PLPP1: variants seen among roughly 807,000 people sequenced by gnomAD.
PLPP1 encodes the protein lipid phosphate phosphohydrolase 1a.
PLPP1 carries 24 observed loss-of-function variants against 31.2 expected under a neutral mutation model. The observed-to-expected ratio is 0.77, with a 90% CI of 0.56 to 1.08. The LOEUF (loss-of-function observed/expected upper bound fraction) is 1.08, where lower values mean the gene tolerates loss of function less well. Among genes scored for constraint, PLPP1 ranks in the 50% least tolerant of loss-of-function variants. The pLI is 0.00. For synonymous variants in PLPP1, 146 were observed against 126.3 expected (o/e 1.16, Z -1.05); for missense variants, 319 against 342.7 (o/e 0.93, Z 0.55).
intron 1 of PLPP1, among the ~76,000 whole-genome samples, chr5:55,533,104 C>A (rs1740735847): frequency 6.6e-6 from 1 of 151,964 alleles, no homozygotes; most frequent in African/African-American, 2.4e-5. Flanking sequence ...AGTTTTAGGG[C>A]CCAGCGCTGT....
intron 3 of PLPP1, among the ~76,000 whole-genome samples, chr5:55,460,521 G>A (rs994895469): frequency 6.6e-6 from 1 of 152,128 alleles, no homozygotes; most frequent in African/African-American, 2.4e-5. Context: ...ACAATACAAA[G>A]ATAGTATAAT....
chr5:55,482,271 C>G (rs528988922), intron 1 of PLPP1, among the ~76,000 whole-genome samples: 10 of 151,262 alleles, frequency 6.6e-5, no homozygotes, highest in Non-Finnish European at 1.5e-4. Flanking sequence ...CTTTGTCCCC[C>G]CTCACCCCCG....
Position 55,425,136 on chromosome 5 carries a change from T to A in PLPP1, c.*70A>T. On this transcript the variant is annotated 3_prime_UTR_variant, in exon 6 of 6. Coordinates refer to ENST00000307259, the MANE Select transcript of PLPP1 (RefSeq NM_003711.4). ...CTTGTACACCAGGAAGAAAGATGCATCCTCTTGCCTTGTGGCAATCATTTT... is the reference window on the plus strand; with the variant it reads ...CTTGTACACCAGGAAGAAAGATGCAACCTCTTGCCTTGTGGCAATCATTTT... 6.5e-7 allele frequency: 1 copy of A among 1,530,518 alleles called. No individual in the cohort carries two copies. The highest frequency in any genetic ancestry group is 8.8e-7 in the Non-Finnish European group (1 of 1,133,476). 94.8% of individuals were successfully genotyped at this position (1,530,518 alleles called of 1,614,324 possible). A position where few individuals can be genotyped will look rare whatever the true frequency, so the allele number is the denominator to read the frequency against.
chr5:55,532,257 CTT>C (rs1436537827), intron 1 of PLPP1, among the ~76,000 whole-genome samples: 3 of 151,838 alleles, frequency 2.0e-5, no homozygotes, highest in African/African-American at 7.3e-5. Flanking sequence ...TACCATATGG[CTT>C]TGTGTTTAAT....
Position 55,434,607 on chromosome 5 carries a change from A to C in PLPP1, c.549+7244T>G, listed in dbSNP as rs373841605. Among the ~76,000 whole-genome samples the C allele has an allele frequency of 2.6e-5, 4 of 152,290 alleles. No homozygotes were observed. The East Asian group carries it at 7.7e-4, about 29-fold the overall frequency. On this transcript the variant is annotated intron_variant, in intron 4 of 5. Coordinates refer to ENST00000307259, the MANE Select transcript of PLPP1 (RefSeq NM_003711.4). ...GTCAGCAACCAATGAAACAGAATAG[A>C]TACCAGAAATAAGTCCACGTATTTA...
chr5:55,469,594 G>T (rs1440662793), intron 2 of PLPP1, among the ~76,000 whole-genome samples: 3 of 151,320 alleles, frequency 2.0e-5, no homozygotes, highest in Non-Finnish European at 4.4e-5. Context: ...AAGTAGCAAA[G>T]CTTGACTTGA....
intron 4 of PLPP1, among the ~76,000 whole-genome samples, chr5:55,440,348 GCT>G (rs1204747681): frequency 6.6e-6 from 1 of 152,162 alleles, no homozygotes; most frequent in African/African-American, 2.4e-5. Context: ...GATAGTAACG[GCT>G]CTAGCTATTG....
At chr5:55,531,927 A>G (rs1377552677) in intron 1 of PLPP1, among the ~76,000 whole-genome samples, 2 of 152,364 alleles carry the variant, frequency 1.3e-5, no homozygotes, top group East Asian at 3.9e-4. Flanking sequence ...TTCTGAGCTT[A>G]TAGTGATAAT....
rs768061525 is a variant in PLPP1, at chr5:55,468,146, T to C, written c.214A>G (p.Ile72Val). Residue 72 changes from isoleucine to valine, a missense_variant, in exon 3 of 6, where the codon ATT becomes GTT. Ile to Val is a conservative substitution (Grantham distance 29). Transcript: ENST00000307259. ...TAAACAGACAGGGTTTCTCCAAGAA[T>C]AATCTGAAAAAGAAACAGAAAAATA... ...IIIPFSIIVI[I>V]LGETLSVYCN... The C allele has an allele frequency of 4.4e-6, 7 of 1,573,642 alleles. No homozygotes were observed. Among genetic ancestry groups the C allele is most frequent in the Non-Finnish European group, 6.0e-6 (7 of 1,158,792 alleles).
chr5:55,529,421 T>C (rs1339167375), intron 1 of PLPP1, among the ~76,000 whole-genome samples: 2 of 152,138 alleles, frequency 1.3e-5, no homozygotes, highest in South Asian at 2.1e-4. Context: ...TACTGGCTAC[T>C]GAAAATTCTG....
chr5:55,490,210 G>T (rs1434924834), intron 1 of PLPP1, among the ~76,000 whole-genome samples: 1 of 146,832 alleles, frequency 6.8e-6, no homozygotes, highest in Non-Finnish European at 1.5e-5. Context: ...GAGTGCAATG[G>T]CATGATCTTG....
chr5:55,473,366 A>G (rs10063781), intron 2 of PLPP1, among the ~76,000 whole-genome samples: 130,156 of 152,184 alleles, frequency 0.86, 56,151 homozygotes, highest in South Asian at 0.92. Flanking sequence ...CATGCCAGGC[A>G]GTGGACACAA....
intron 1 of PLPP1, among the ~76,000 whole-genome samples, chr5:55,480,849 T>A (rs1028081125): frequency 1.3e-4 from 20 of 152,228 alleles, no homozygotes; most frequent in African/African-American, 4.6e-4. Context: ...CTTAACTTTT[T>A]AAGAAATTGC....
rs1740833056 is a variant in PLPP1, at chr5:55,534,916, G to A, written c.-287C>T. 9.3e-6 allele frequency: 4 copies of A among 431,164 alleles called. No individual in the cohort carries two copies. Among genetic ancestry groups the A allele is most frequent in the Non-Finnish European group, 1.7e-5 (4 of 241,984 alleles). 26.7% of individuals were successfully genotyped at this position (431,164 alleles called of 1,614,324 possible). On this transcript the variant is annotated 5_prime_UTR_variant, in exon 1 of 6. Transcript: ENST00000307259. The stretch of plus-strand genomic sequence containing the variant: ...TGTAGCCTCAGGACCTCCTCAGCCG[G>A]CACGGCCTGCCCCGGTTGCTCCCCG...
At chr5:55,499,102 A>C (rs371051301) in intron 1 of PLPP1, among the ~76,000 whole-genome samples, 7 of 152,338 alleles carry the variant, frequency 4.6e-5, no homozygotes, top group African/African-American at 1.7e-4. Context: ...GAGATGCTGA[A>C]GAGTAAAAAG....
chr5:55,425,360 T>C (rs778440327), intron 5 of PLPP1, 26 bp from the exon 6 acceptor site: 5 of 1,557,422 alleles, frequency 3.2e-6, no homozygotes, highest in Admixed American at 3.7e-5. Flanking sequence ...TTTAATGGTA[T>C]AATTTAGATC....
intron 3 of PLPP1, among the ~76,000 whole-genome samples, chr5:55,457,759 G>T (rs879541191): frequency 5.9e-5 from 9 of 151,944 alleles, no homozygotes; most frequent in Non-Finnish European, 1.0e-4. Flanking sequence ...CGTGGTGGCG[G>T]GCGCCTGTAG....
intron 1 of PLPP1, among the ~76,000 whole-genome samples, chr5:55,523,017 C>A (rs1214976928): frequency 6.6e-6 from 1 of 152,164 alleles, no homozygotes; most frequent in Non-Finnish European, 1.5e-5. Flanking sequence ...CACGCCAGGC[C>A]CAATAATGAT....
chr5:55,445,066 A>G (rs982523537), intron 3 of PLPP1, among the ~76,000 whole-genome samples: 1 of 152,030 alleles, frequency 6.6e-6, no homozygotes, highest in Admixed American at 6.6e-5. Context: ...TCTATTTCAA[A>G]TGGCAACTTT....
Sources: allele counts gnomAD v4.1 joint callset (sites outside exome capture counted in the v4.1 genomes callset), GRCh38; gene constraint gnomAD v4.1.1; transcripts MANE v1.5; gene names NCBI Gene and HGNC (gene_info 2026-07-23, HGNC 2026-07-21).